ASB11: variants seen among roughly 807,000 people sequenced by gnomAD.
ASB11 encodes ankyrin repeat and SOCS box containing 11.
Under a neutral mutation model 20.1 loss-of-function variants are expected in ASB11, and 17 were observed. The observed-to-expected ratio is 0.85, with a 90% CI of 0.58 to 1.27. The LOEUF is 1.27. Ranked by LOEUF, ASB11 falls within the 50% of genes most tolerant of loss-of-function variation. The pLI, the probability that ASB11 is intolerant of heterozygous loss-of-function variation, is 0.00. For synonymous variants in ASB11, 107 were observed against 105.6 expected (o/e 1.01, Z -0.08); for missense variants, 259 against 256.9 (o/e 1.01, Z -0.06).
At chrX:15,285,633 C>T (rs771144950) in intron 6 of ASB11, among the ~76,000 whole-genome samples, 1 of 111,579 alleles carries the variant, frequency 9.0e-6, no homozygotes, top group African/African-American at 3.3e-5. Flanking sequence ...TTTCCAAGCT[C>T]GGATCTGCTG....
intron 1 of ASB11, among the ~76,000 whole-genome samples, chrX:15,315,076 T>C (rs1312397880): frequency 1.8e-5 from 2 of 112,057 alleles, no homozygotes; most frequent in African/African-American, 6.5e-5. Flanking sequence ...CTGGTTAGAA[T>C]GCCCTTCATT....
chrX:15,291,748 C>T (rs1186910231), intron 4 of ASB11, among the ~76,000 whole-genome samples: 1 of 107,698 alleles, frequency 9.3e-6, no homozygotes, highest in African/African-American at 3.4e-5. Context: ...AAAAAAAAGA[C>T]TTATATGGCT....
chrX:15,297,634 G>A lies in ASB11; in HGVS notation c.309C>T (p.His103=), dbSNP rs760107192. The change falls in exon 3 of 7, where the codon CAC becomes CAT. Residue 103 remains histidine (H), a synonymous_variant. Coordinates refer to ENST00000480796, the MANE Select transcript of ASB11 (RefSeq NM_080873.3). ...LVTINRVSSL[H]EACLGGHVAC... ...CCACGTGACCTCCAAGGCATGCCTCGTGGAGAGAAGACACCCGGTTAATTG... is the reference window on the plus strand; with the variant it reads ...CCACGTGACCTCCAAGGCATGCCTCATGGAGAGAAGACACCCGGTTAATTG... 1.1e-5 allele frequency: 13 copies of A among 1,210,258 alleles called. No individual in the cohort carries two copies. The highest frequency in any genetic ancestry group is 1.5e-5 in the Non-Finnish European group (13 of 894,645).
In ASB11 at chrX:15,283,335, T is replaced by TA; in HGVS notation, c.*169dup. On this transcript the variant is annotated 3_prime_UTR_variant, in exon 7 of 7. Coordinates refer to ENST00000480796, the MANE Select transcript of ASB11 (RefSeq NM_080873.3). ...CCCTTGGTTAATGAGAACATTAAAC[T>TA]AACCAGGAGTTTCCACTCCTCAAGT... 1.6e-6 allele frequency: 1 copy of TA among 614,425 alleles called. No individual in the cohort carries two copies. The highest frequency in any genetic ancestry group is 2.4e-6 in the Non-Finnish European group (1 of 410,270). The allele number at this position is 614,425 out of a possible 1,213,427, so 50.6% of individuals were successfully genotyped here. A position where few individuals can be genotyped will look rare whatever the true frequency, so the allele number is the denominator to read the frequency against.
chrX:15,296,257 T>C (rs5935935), intron 3 of ASB11, among the ~76,000 whole-genome samples: 33,646 of 88,458 alleles, frequency 0.38, 4,610 homozygotes, highest in South Asian at 0.64. Context: ...TGTCTAAAAA[T>C]AAAAAGATGG....
At chrX:15,305,594 AGATT>A (rs1304067953) in intron 1 of ASB11, among the ~76,000 whole-genome samples, 8 of 69,734 alleles carry the variant, frequency 1.1e-4, no homozygotes, top group Non-Finnish European at 2.0e-4. Context: ...AGAAAAAAAA[AGATT>A]AGATAGATAG....
chrX:15,299,034 G>C (rs1216087860), intron 2 of ASB11, among the ~76,000 whole-genome samples: 2 of 112,038 alleles, frequency 1.8e-5, no homozygotes, highest in African/African-American at 6.5e-5. Context: ...AGATGACAAG[G>C]TCAGCCTAGC....
At chrX:15,284,652 C>T (rs1037441814) in intron 6 of ASB11, among the ~76,000 whole-genome samples, 1 of 111,966 alleles carries the variant, frequency 8.9e-6, no homozygotes, top group African/African-American at 3.2e-5. Context: ...ACAGAATCAT[C>T]ATGCCCATGG....
intron 1 of ASB11, among the ~76,000 whole-genome samples, chrX:15,313,740 G>A (rs1602201727): frequency 9.0e-6 from 1 of 111,195 alleles, no homozygotes; most frequent in East Asian, 2.8e-4. Flanking sequence ...CTATAAGGAG[G>A]TTTTATACCT....
Position 15,286,024 on chromosome X carries a change from TAAC to T in ASB11, c.847+1854_847+1856del, listed in dbSNP as rs200893386. ...CCGTCTAAAATAATAATAATAATAA[TAAC>T]AATAATAATAATCTAGACCAGTGGT... On this transcript the variant is annotated intron_variant, in intron 6 of 6. Transcript: ENST00000480796. Among the ~76,000 whole-genome samples, 910 of 109,194 alleles carry T rather than the reference TAAC, an allele frequency of 8.3e-3. 14 individuals are homozygous for T. The highest frequency in any genetic ancestry group is 0.029 in the African/African-American group (855 of 29,892). 94.8% of individuals were successfully genotyped at this position (109,194 alleles called of 115,157 possible).
At chrX:15,284,056 T>G (rs748082037) in intron 6 of ASB11, among the ~76,000 whole-genome samples, 1 of 107,424 alleles carries the variant, frequency 9.3e-6, no homozygotes. Context: ...ATGGAGACCA[T>G]CCTGGCTAAC....
intron 5 of ASB11, 44 bp downstream of exon 5, chrX:15,289,460 A>G: frequency 8.9e-7 from 1 of 1,122,781 alleles, no homozygotes; most frequent in Non-Finnish European, 1.2e-6. Context: ...TAGAAAATCA[A>G]CAAAGTTAAC....
At chrX:15,305,905 C>T (rs1428728557) in intron 1 of ASB11, among the ~76,000 whole-genome samples, 1 of 111,016 alleles carries the variant, frequency 9.0e-6, no homozygotes, top group Non-Finnish European at 1.9e-5. Flanking sequence ...AGTTATTTTT[C>T]CTGATCGTCT....
At chrX:15,285,236 G>A (rs73635077) in intron 6 of ASB11, among the ~76,000 whole-genome samples, 1,245 of 107,252 alleles carry the variant, frequency 0.012, 17 homozygotes, top group African/African-American at 0.041. Context: ...CTGCCTCCCG[G>A]GTTTAGGCAG....
intron 5 of ASB11, 103 bp from the exon 6 acceptor site, chrX:15,288,175 A>C: frequency 2.3e-6 from 2 of 866,675 alleles, no homozygotes; most frequent in Non-Finnish European, 3.1e-6. Context: ...GTACCATGAC[A>C]TACTTGACAA....
chrX:15,297,836 G>C (rs1211614235), intron 2 of ASB11, among the ~76,000 whole-genome samples, 155 bp from the exon 3 acceptor site: 1 of 112,425 alleles, frequency 8.9e-6, no homozygotes, highest in African/African-American at 3.2e-5. Flanking sequence ...AAGCCCAGCA[G>C]AAGAGAGTGA....
intron 6 of ASB11, 79 bp downstream of exon 6, chrX:15,287,802 G>T: frequency 9.2e-7 from 1 of 1,081,209 alleles, no homozygotes; most frequent in Non-Finnish European, 1.2e-6. Context: ...AAAAGAAAAA[G>T]GAAAAAATGC....
At chrX:15,284,238 C>G (rs774997800) in intron 6 of ASB11, among the ~76,000 whole-genome samples, 14 of 86,853 alleles carry the variant, frequency 1.6e-4, no homozygotes, top group Admixed American at 1.6e-3. Flanking sequence ...GGCGACAGAG[C>G]GAGACTCCGC....
In ASB11 at chrX:15,289,575, T is replaced by C. The variant is rs768278027; in HGVS notation, c.584A>G (p.Gln195Arg). 5 of 1,209,487 alleles carry C rather than the reference T, an allele frequency of 4.1e-6. No homozygotes were observed. The highest frequency in any genetic ancestry group is 5.6e-6 in the Non-Finnish European group (5 of 893,352). Reference sequence around the variant, plus strand: ...GGCCACATATAGGGGAGTTCCGAGCTGAGGCACCTCATGGTCAATGTTAAC... The same window carrying C: ...GGCCACATATAGGGGAGTTCCGAGCCGAGGCACCTCATGGTCAATGTTAAC... ...NNVNIDHEVP[Q>R]LGTPLYVACT... The change falls in exon 5 of 7, where the codon CAG (glutamine) becomes CGG (arginine). Residue 195 changes from glutamine to arginine, a missense_variant. Gln to Arg is a conservative substitution (Grantham distance 43, BLOSUM62 1). Transcript: ENST00000480796.
Sources: gnomAD v4.1 joint callset for allele counts (sites outside exome capture counted in the v4.1 genomes callset) on GRCh38, gnomAD v4.1.1 for gene constraint, MANE v1.5 for transcripts, NCBI Gene and HGNC (gene_info 2026-07-23, HGNC 2026-07-21) for gene names.